P3H2: variants seen among roughly 807,000 people sequenced by gnomAD.
The protein encoded by P3H2 is leprecan-like 1.
A neutral mutation model predicts 87.0 loss-of-function variants in P3H2; 80 were observed. The ratio of observed to expected loss-of-function variants is 0.92; its 90% confidence interval spans 0.77 to 1.11. The LOEUF (loss-of-function observed/expected upper bound fraction) is 1.11, where lower values mean the gene tolerates loss of function less well. Among genes scored for constraint, P3H2 ranks in the 50% least tolerant of loss-of-function variants. The pLI is 0.00. For synonymous variants in P3H2, 367 were observed against 359.3 expected (o/e 1.02, Z -0.24); for missense variants, 1,001 against 923.9 (o/e 1.08, Z -1.08).
At chr3:190,029,059 C>G (rs1725174392) in intron 1 of P3H2, among the ~76,000 whole-genome samples, 1 of 152,208 alleles carries the variant, frequency 6.6e-6, no homozygotes. Context: ...AAAATTTTCT[C>G]TGGTTCTTGC....
At chr3:189,998,452 C>A (rs1190717570) in intron 1 of P3H2, among the ~76,000 whole-genome samples, 1 of 152,134 alleles carries the variant, frequency 6.6e-6, no homozygotes, top group East Asian at 1.9e-4. Flanking sequence ...AAGCTTAAAT[C>A]CTGCCTTCTC....
intron 1 of P3H2, among the ~76,000 whole-genome samples, chr3:190,093,674 A>T (rs371924296): frequency 6.6e-6 from 1 of 152,112 alleles, no homozygotes. Context: ...TGAAAATGTG[A>T]CTGAGTGGAA....
At chr3:190,051,069 T>C (rs1447941) in intron 1 of P3H2, among the ~76,000 whole-genome samples, 89,845 of 152,090 alleles carry the variant, frequency 0.59, 27,942 homozygotes, top group Admixed American at 0.72. Context: ...AGTGCAGGTC[T>C]TGTTAGTTCA....
intron 8 of P3H2, among the ~76,000 whole-genome samples, chr3:189,982,176 G>A (rs1328204486): frequency 1.3e-5 from 2 of 152,074 alleles, no homozygotes; most frequent in Non-Finnish European, 2.9e-5. Flanking sequence ...ATGGGATTTC[G>A]GGTCAAATGT....
chr3:190,055,507 A>G (rs112966191), intron 1 of P3H2, among the ~76,000 whole-genome samples: 1 of 137,448 alleles, frequency 7.3e-6, no homozygotes, highest in Non-Finnish European at 1.5e-5. Flanking sequence ...ATTGGGAATG[A>G]AACTCTATAC....
intron 1 of P3H2, among the ~76,000 whole-genome samples, chr3:190,013,709 C>G (rs1040640347): frequency 1.3e-5 from 2 of 152,168 alleles, no homozygotes; most frequent in African/African-American, 4.8e-5. Context: ...CCTGGCTTTG[C>G]CTGAGGCTCA....
At chr3:190,069,542 C>A (rs1422152482) in intron 1 of P3H2, among the ~76,000 whole-genome samples, 1 of 152,198 alleles carries the variant, frequency 6.6e-6, no homozygotes, top group African/African-American at 2.4e-5. Context: ...ACCTTTTCTT[C>A]TTTTCCCAGT....
At position 189,990,859 on chromosome 3, in the gene P3H2, T is replaced by G. The variant is rs186838060; in HGVS notation, c.824-1821A>C. Among the ~76,000 whole-genome samples, 42 of 152,324 alleles carry G rather than the reference T, an allele frequency of 2.8e-4. No individual in the cohort carries two copies. In the East Asian group the frequency reaches 6.6e-3, roughly 24 times the overall value. The stretch of plus-strand genomic sequence containing the variant: ...GTCTTAAAAATTAAAGAACCTGAGT[T>G]ATGAGATCTCTATTCTTTTCCAGCT... On this transcript the variant is annotated intron_variant, in intron 3 of 14. Transcript: ENST00000319332.
intron 1 of P3H2, among the ~76,000 whole-genome samples, chr3:190,119,138 AGGGGAGGGGAGGGGAGGGGAGG>A (rs1712417303): frequency 8.4e-5 from 1 of 11,856 alleles, no homozygotes; most frequent in African/African-American, 3.0e-4. Context: ...AGGAGAGGAG[AGGGGAGGGGAGGGGAGGGGAGG>A]GGAGGGGAGG....
chr3:189,975,100 G>C (rs553390196), intron 8 of P3H2, among the ~76,000 whole-genome samples: 9 of 152,264 alleles, frequency 5.9e-5, no homozygotes, highest in African/African-American at 1.9e-4. Flanking sequence ...GCACACCTCA[G>C]TTTCACTGGT....
At chr3:190,026,023 C>A (rs1017646594) in intron 1 of P3H2, among the ~76,000 whole-genome samples, 2 of 151,986 alleles carry the variant, frequency 1.3e-5, no homozygotes, top group Non-Finnish European at 2.9e-5. Context: ...TTTTATTAAC[C>A]ATTATTTCTC....
Position 189,956,876 on chromosome 3 carries a change from C to T in P3H2, c.*1036G>A. ...ATTTTTCTTATGTAAGTACAAAACACCTCTTTTCATCAGTGGACCCCACTC... is the reference window on the plus strand; with the variant it reads ...ATTTTTCTTATGTAAGTACAAAACATCTCTTTTCATCAGTGGACCCCACTC... On this transcript the variant is annotated 3_prime_UTR_variant, in exon 15 of 15. Transcript: ENST00000319332. The T allele has an allele frequency of 2.6e-6, 1 of 382,820 alleles. No homozygotes were observed. Among genetic ancestry groups the T allele is most frequent in the South Asian group, 1.5e-4 (1 of 6,866 alleles). The allele number at this position is 382,820 out of a possible 1,614,324, so 23.7% of individuals were successfully genotyped here. A position where few individuals can be genotyped will look rare whatever the true frequency, so the allele number is the denominator to read the frequency against.
intron 1 of P3H2, among the ~76,000 whole-genome samples, chr3:190,001,512 CG>C (rs1724216240): frequency 6.6e-6 from 1 of 152,090 alleles, no homozygotes; most frequent in Non-Finnish European, 1.5e-5. Context: ...TTTTTGCCTT[CG>C]TTTTTTTACT....
rs190143194 is a variant in P3H2 at position 190,050,470 on chromosome 3, A to G, written c.481-55028T>C. On this transcript the variant is annotated intron_variant, in intron 1 of 14. Coordinates refer to ENST00000319332, the MANE Select transcript of P3H2 (RefSeq NM_018192.4). The stretch of plus-strand genomic sequence containing the variant: ...AATGATTACAGAAATTCAGATCTCT[A>G]GAAGTATCTATGCTTCTATAGATGC... 2.4e-3 allele frequency among the ~76,000 whole-genome samples: 366 copies of G among 152,312 alleles called. 1 individual carries two copies. The highest frequency in any genetic ancestry group is 0.011 in the South Asian group (52 of 4,826).
In P3H2 at chr3:189,969,822, T is replaced by C. The variant is rs1723115852; in HGVS notation, c.1893+994A>G. On this transcript the variant is annotated intron_variant, in intron 13 of 14. Coordinates refer to ENST00000319332, the MANE Select transcript of P3H2 (RefSeq NM_018192.4). ...TCATCCAGGCCTGTTCCACCAATTA[T>C]TCCAATCTTCATGGCAGTGGTGGTG... 1.9e-6 allele frequency: 3 copies of C among 1,597,638 alleles called. No individual in the cohort carries two copies. In the African/African-American group the frequency reaches 4.0e-5, roughly 21 times the overall value.
intron 1 of P3H2, among the ~76,000 whole-genome samples, chr3:190,033,642 G>A (rs537126630): frequency 2.1e-4 from 32 of 152,072 alleles, no homozygotes; most frequent in Non-Finnish European, 1.0e-4. Flanking sequence ...CAAACCATAC[G>A]GCCTTCATTC....
chr3:190,037,618 C>A (rs1427032249), intron 1 of P3H2, among the ~76,000 whole-genome samples: 1 of 152,056 alleles, frequency 6.6e-6, no homozygotes, highest in African/African-American at 2.4e-5. Flanking sequence ...TTTACAATTA[C>A]TGATCAGCAT....
At chr3:190,029,838 TAA>T (rs1194254778) in intron 1 of P3H2, among the ~76,000 whole-genome samples, 1 of 151,856 alleles carries the variant, frequency 6.6e-6, no homozygotes, top group African/African-American at 2.4e-5. Context: ...CTGTCTCTAC[TAA>T]AAATACAAAA....
intron 14 of P3H2, among the ~76,000 whole-genome samples, chr3:189,960,909 C>T (rs558611868): frequency 6.6e-6 from 1 of 151,748 alleles, no homozygotes; most frequent in African/African-American, 2.4e-5. Context: ...AATAAAAAGC[C>T]CAAGTACTAC....
Sources: allele counts gnomAD v4.1 joint callset (sites outside exome capture counted in the v4.1 genomes callset), GRCh38; gene constraint gnomAD v4.1.1; transcripts MANE v1.5; gene names NCBI Gene and HGNC (gene_info 2026-07-23, HGNC 2026-07-21).